Variants in CNTROB observed in about 807,000 individuals in gnomAD.
CNTROB encodes centrobin, centriole duplication and spindle assembly protein.
A neutral mutation model predicts 115.7 loss-of-function variants in CNTROB; 82 were observed. The ratio of observed to expected loss-of-function variants is 0.71; its 90% CI spans 0.59 to 0.85. The LOEUF (loss-of-function observed/expected upper bound fraction) is 0.85. Among genes scored for constraint, CNTROB ranks in the 40% least tolerant of loss-of-function variants. The probability of loss-of-function intolerance (pLI) is 0.00; values close to 1 mark genes in which losing one functional copy is unlikely to be tolerated. For missense variants in CNTROB, 1,014 were observed against 1,144.4 expected (o/e 0.89, Z 1.64); for synonymous variants, 439 against 456.4 (o/e 0.96, Z 0.49).
chr17:7,945,694 C>A (rs1400786943), intron 12 of CNTROB, 34 bp from the exon 13 acceptor site: 1 of 1,605,596 alleles, frequency 6.2e-7, no homozygotes, highest in East Asian at 2.2e-5. Flanking sequence ...ACCTACTGTG[C>A]TTTGACCCTT....
At position 7,933,322 on chromosome 17, in the gene CNTROB, C is replaced by T; in HGVS notation, c.243C>T (p.Val81=). The part of the protein sequence containing the change: ...FAQELSRSLS[V]GLEKNLKKKD... The stretch of plus-strand genomic sequence containing the variant: ...AAGAATTGAGTCGAAGCTTGTCAGT[C>T]GGATTGGAAAAGAACTTGAAGAAAA... Residue 81 remains valine (V), a synonymous_variant, in exon 1 of 19, where the codon GTC becomes GTT. Transcript: ENST00000563694. 3 of 1,613,674 alleles carry T rather than the reference C, an allele frequency of 1.9e-6. No individual in the cohort carries two copies. The highest frequency in any genetic ancestry group is 2.5e-6 in the Non-Finnish European group (3 of 1,179,840).
At chr17:7,940,384 A>G (rs1973719510) in intron 9 of CNTROB, 142 bp downstream of exon 9, 1 of 706,882 alleles carries the variant, frequency 1.4e-6, no homozygotes, top group Non-Finnish European at 2.2e-6. Flanking sequence ...TAGTATGGGT[A>G]GTTTTCTGTC....
At chr17:7,936,610 G>A (rs746958439) in intron 5 of CNTROB, 91 bp from the exon 6 acceptor site, 50 of 800,282 alleles carry the variant, frequency 6.2e-5, no homozygotes, top group Non-Finnish European at 1.0e-4. Flanking sequence ...TTTGCTGACT[G>A]TTGGGAGAAG....
chr17:7,947,881 T>TC (rs753202552), intron 14 of CNTROB, 35 bp from the exon 15 acceptor site: 18 of 1,611,660 alleles, frequency 1.1e-5, no homozygotes, highest in Non-Finnish European at 1.5e-5. Flanking sequence ...TCTCTATCAG[T>TC]CCCTAGGGAA....
chr17:7,945,651 T>A, intron 12 of CNTROB, 77 bp from the exon 13 acceptor site: 1 of 1,440,544 alleles, frequency 6.9e-7, no homozygotes, highest in South Asian at 1.3e-5. Context: ...TATAATCTTA[T>A]TAAAGTGTTT....
Position 7,944,014 on chromosome 17 carries a change from C to T in CNTROB, c.1446-109C>T. 1 of 792,368 alleles carries T rather than the reference C, an allele frequency of 1.3e-6. No homozygotes were observed. Among genetic ancestry groups the T allele is most frequent in the Non-Finnish European group, 2.1e-6 (1 of 474,860 alleles). The allele number at this position is 792,368 out of a possible 1,614,324, so 49.1% of individuals were successfully genotyped here. A position where few individuals can be genotyped will look rare whatever the true frequency, so the allele number is the denominator to read the frequency against. ...GCTTCCTGTGCCATGGCCAGGCTAG[C>T]TGACTGGCTATCTGGGTCACTGTCA... On this transcript the variant is annotated intron_variant, in intron 10 of 18. Transcript: ENST00000563694. The surrounding 1 kb of genome is among the most constrained non-coding windows in gnomAD (Gnocchi z 4.0).
In CNTROB at chr17:7,936,837, T is replaced by C. The variant is rs1328963643; in HGVS notation, c.828+20T>C. The stretch of plus-strand genomic sequence containing the variant: ...CAGGAGGTGAGCGCCCTGGAGCATA[T>C]GGCATTAGAACCTGAGTCACAGATC... On this transcript the variant is annotated intron_variant, in intron 6 of 18. Transcript: ENST00000563694. The C allele has an allele frequency of 2.1e-6, 2 of 952,706 alleles. No homozygotes were observed. The highest frequency in any genetic ancestry group is 3.2e-5 in the African/African-American group (2 of 62,412). The allele number at this position is 952,706 out of a possible 1,614,324, so 59.0% of individuals were successfully genotyped here. A position where few individuals can be genotyped will look rare whatever the true frequency, so the allele number is the denominator to read the frequency against.
intron 6 of CNTROB, 87 bp downstream of exon 6, chr17:7,936,904 TC>T: frequency 1.3e-6 from 1 of 793,612 alleles, no homozygotes; most frequent in Non-Finnish European, 2.3e-6. Context: ...AATTAGGGTT[TC>T]CAACAGATTG....
chr17:7,933,853 C>T (rs1972824246), intron 1 of CNTROB, among the ~76,000 whole-genome samples: 1 of 152,166 alleles, frequency 6.6e-6, no homozygotes, highest in South Asian at 2.1e-4. Flanking sequence ...GTTAGGTCTT[C>T]CAGAGTTTGA....
Position 7,934,521 on chromosome 17 carries a change from A to G in CNTROB, c.412A>G (p.Ser138Gly), listed in dbSNP as rs778226233. Residue 138 changes from serine (S) to glycine (G), a missense_variant, in exon 3 of 19, where the codon AGT (serine) becomes GGT (glycine). Coordinates refer to ENST00000563694, the MANE Select transcript of CNTROB (RefSeq NM_053051.5). ...GAGACGGGAAGAGGACTCCTTTGAC[A>G]GTGATAGCACAGCCACCTTGCTCAA... ...SERREEDSFD[S>G]DSTATLLNTR... The G allele has an allele frequency of 5.6e-6, 9 of 1,614,114 alleles. No homozygotes were observed. In the Admixed American group the frequency reaches 1.3e-4, roughly 24 times the overall value.
chr17:7,943,325 T>C lies in CNTROB; in HGVS notation c.1312-66T>C. On this transcript the variant is annotated intron_variant, in intron 9 of 18. Transcript: ENST00000563694. This position sits in a 1 kb window ranked among gnomAD's most constrained non-coding sequence, Gnocchi z 4.7. Reference sequence around the variant, plus strand: ...AGTTGGTACTGGATTTTGTCTACATTATATCCTCCATCCTCTTCTAAGCCC... The same window carrying C: ...AGTTGGTACTGGATTTTGTCTACATCATATCCTCCATCCTCTTCTAAGCCC... The C allele has an allele frequency of 3.2e-6, 4 of 1,261,638 alleles. No individual in the cohort carries two copies. Among genetic ancestry groups the C allele is most frequent in the Non-Finnish European group, 4.5e-6 (4 of 886,274 alleles). The allele number at this position is 1,261,638 out of a possible 1,614,324, so 78.2% of individuals were successfully genotyped here.
At position 7,948,617 on chromosome 17, in the gene CNTROB, C is replaced by G. The variant is rs563908709; in HGVS notation, c.2511C>G (p.Ser837Arg). The G allele has an allele frequency of 1.9e-5, 31 of 1,614,046 alleles. No homozygotes were observed. In the South Asian group the frequency reaches 2.9e-4, roughly 15 times the overall value. ...LLLYLKRLEH[S>R]GTDGRGDNVP... ...TCTACCTGAAGAGGCTGGAACACAG[C>G]GGGTACAAGCCTGGGAGGAAGGAGG... Residue 837 changes from serine to arginine, a missense_variant and splice_region_variant, in exon 17 of 19, where the codon AGC becomes AGG. Ser to Arg is a moderately radical substitution (Grantham distance 110). Transcript: ENST00000563694. This position sits in a 1 kb window ranked among gnomAD's most constrained non-coding sequence, Gnocchi z 4.4.
intron 13 of CNTROB, among the ~76,000 whole-genome samples, chr17:7,947,174 A>G (rs72841456): frequency 0.077 from 11,351 of 147,900 alleles, 542 homozygotes; most frequent in Non-Finnish European, 0.1. Context: ...AAAAAAAAAA[A>G]AAAGAGAGAT....
At position 7,935,150 on chromosome 17, in the gene CNTROB, G is replaced by T; in HGVS notation, c.594+5G>T. The T allele has an allele frequency of 1.2e-6, 2 of 1,614,168 alleles. No homozygotes were observed. Among genetic ancestry groups the T allele is most frequent in the Non-Finnish European group, 8.5e-7 (1 of 1,180,042 alleles). On this transcript the variant is annotated splice_donor_5th_base_variant and intron_variant, in intron 4 of 18. Coordinates refer to ENST00000563694, the MANE Select transcript of CNTROB (RefSeq NM_053051.5). ...TCAGAGCATACCCGCCGCAAGGTAA[G>T]ATGCAAACGCTTCCTTTCGAAAGCA...
At position 7,934,492 on chromosome 17, in the gene CNTROB, C is replaced by G. The variant is rs1258966093; in HGVS notation, c.383C>G (p.Ser128Ter). Residue 128 changes from serine (S) to a stop codon, truncating the protein, a stop_gained, in exon 3 of 19, where the codon TCA becomes TGA. Coordinates refer to ENST00000563694, the MANE Select transcript of CNTROB (RefSeq NM_053051.5). LOFTEE classifies it high-confidence loss of function. ...GATCCTCTCATTCCTGGCGCTGGCT[C>G]AGAGAGACGGGAAGAGGACTCCTTT... ...YRDPLIPGAGSERREEDSFDS... is the reference protein window; with the variant it reads ...YRDPLIPGAG The G allele has an allele frequency of 1.2e-6, 2 of 1,614,036 alleles. No homozygotes were observed. The highest frequency in any genetic ancestry group is 1.7e-6 in the Non-Finnish European group (2 of 1,180,030).
Position 7,939,613 on chromosome 17 carries a change from G to A in CNTROB, c.1028G>A (p.Ser343Asn). 6.2e-7 allele frequency: 1 copy of A among 1,614,060 alleles called. No individual in the cohort carries two copies. The highest frequency in any genetic ancestry group is 8.5e-7 in the Non-Finnish European group (1 of 1,180,022). The change falls in exon 8 of 19, where the codon AGT becomes AAT. Residue 343 changes from serine (S) to asparagine (N), a missense_variant. By Grantham distance (46) the Ser-to-Asn change is conservative. Transcript: ENST00000563694. The surrounding 1 kb of genome is among the most constrained non-coding windows in gnomAD (Gnocchi z 4.4). ...ERDAARAGQL[S>N]EHRELETLRA... ...GATGCAGCTCGGGCTGGGCAACTGAGTGAGCATCGAGAGTTGGAGACTCTT... is the reference window on the plus strand; with the variant it reads ...GATGCAGCTCGGGCTGGGCAACTGAATGAGCATCGAGAGTTGGAGACTCTT...
At position 7,948,596 on chromosome 17, in the gene CNTROB, C is replaced by T. The variant is rs747579430; in HGVS notation, c.2490C>T (p.Tyr830=). ...GALPAEDLLL[Y]LKRLEHSGTD... ...TGCCTGCTGAGGATCTCCTGCTCTA[C>T]CTGAAGAGGCTGGAACACAGCGGGT... Residue 830 remains tyrosine (Y), a synonymous_variant, in exon 17 of 19, where the codon TAC becomes TAT. Transcript: ENST00000563694. This position sits in a 1 kb window ranked among gnomAD's most constrained non-coding sequence, Gnocchi z 4.4. 5.6e-6 allele frequency: 9 copies of T among 1,613,956 alleles called. No individual in the cohort carries two copies. Among genetic ancestry groups the T allele is most frequent in the Non-Finnish European group, 5.9e-6 (7 of 1,180,018 alleles).
chr17:7,934,628 C>A, intron 3 of CNTROB, 82 bp downstream of exon 3: 1 of 1,229,670 alleles, frequency 8.1e-7, no homozygotes, highest in Non-Finnish European at 1.2e-6. Context: ...CCCTTTATTG[C>A]TTTTGTACCT....
intron 6 of CNTROB, 125 bp downstream of exon 6, chr17:7,936,942 A>C: frequency 1.3e-6 from 1 of 742,912 alleles, no homozygotes. Flanking sequence ...GGCTGTCCTG[A>C]CATTTCTTCT....
Sources: gnomAD v4.1 joint callset for allele counts (sites outside exome capture counted in the v4.1 genomes callset) on GRCh38, gnomAD v4.1.1 for gene constraint, Gnocchi (gnomAD v3.1) non-coding constraint, MANE v1.5 for transcripts, NCBI Gene and HGNC (gene_info 2026-07-23, HGNC 2026-07-21) for gene names.